Variants in DISP1 observed in about 807,000 individuals in gnomAD.
DISP1 encodes the protein protein dispatched homolog 1.
Under a neutral mutation model 37.3 loss-of-function variants are expected in DISP1, and 30 were observed. That is an observed-to-expected ratio of 0.80 (90% confidence interval 0.60 to 1.09). The LOEUF is 1.09. Ranked by LOEUF, DISP1 falls within the 50% of genes least tolerant of loss-of-function variation. The pLI is 0.00. For synonymous variants in DISP1, 634 were observed against 690.2 expected (o/e 0.92, Z 1.28); for missense variants, 1,598 against 1,879.5 (o/e 0.85, Z 2.77).
At chr1:222,862,250 A>T (rs1264488144) in intron 1 of DISP1, among the ~76,000 whole-genome samples, 1 of 152,296 alleles carries the variant, frequency 6.6e-6, no homozygotes, top group East Asian at 1.9e-4. Flanking sequence ...AGGAAATCCC[A>T]TATATTGTTA....
At position 222,978,235 on chromosome 1, in the gene DISP1, C is replaced by G. The variant is rs552667738; in HGVS notation, c.510-4845C>G. Among the ~76,000 whole-genome samples the G allele has an allele frequency of 3.3e-5, 5 of 152,236 alleles. No individual in the cohort carries two copies. The South Asian group carries it at 8.3e-4, about 25-fold the overall frequency. ...CATTCTAACTGGTGTGAGATGGTAT[C>G]TCGTTGTGGTTTTGATTTGCATTTC... On this transcript the variant is annotated intron_variant, in intron 3 of 8. Transcript: ENST00000675850.
chr1:222,865,930 CT>C (rs1212911106), intron 1 of DISP1, among the ~76,000 whole-genome samples: 1 of 152,166 alleles, frequency 6.6e-6, no homozygotes, highest in African/African-American at 2.4e-5. Flanking sequence ...GGCCGGCCCC[CT>C]GTTGGGTTTT....
intron 1 of DISP1, among the ~76,000 whole-genome samples, chr1:222,825,281 A>G (rs1375104091): frequency 7.2e-5 from 11 of 152,190 alleles, no homozygotes; most frequent in African/African-American, 2.7e-4. Context: ...CTAGATTTTC[A>G]TAGGCTGTCA....
chr1:222,923,236 A>G (rs2609398), intron 1 of DISP1, among the ~76,000 whole-genome samples: 40,119 of 152,054 alleles, frequency 0.26, 5,561 homozygotes, highest in South Asian at 0.47. Context: ...CATGGTGGTC[A>G]AGATTGAGAG....
intron 2 of DISP1, among the ~76,000 whole-genome samples, chr1:222,932,066 G>C (rs1673434509): frequency 1.3e-5 from 2 of 151,876 alleles, no homozygotes; most frequent in South Asian, 2.1e-4. Context: ...TAGAGTACCA[G>C]GTCCAACTGT....
At chr1:222,880,215 G>A (rs1311509133) in intron 1 of DISP1, among the ~76,000 whole-genome samples, 1 of 152,136 alleles carries the variant, frequency 6.6e-6, no homozygotes, top group Non-Finnish European at 1.5e-5. Context: ...GAAAAAGCAG[G>A]ATGTACAATC....
chr1:222,868,657 G>GT (rs1388540583), intron 1 of DISP1, among the ~76,000 whole-genome samples: 3 of 152,034 alleles, frequency 2.0e-5, no homozygotes, highest in Non-Finnish European at 4.4e-5. Context: ...AGTGATGTCA[G>GT]TTAGCAGAAT....
chr1:222,938,680 C>T (rs1312745369), intron 2 of DISP1, among the ~76,000 whole-genome samples: 1 of 141,478 alleles, frequency 7.1e-6, no homozygotes, highest in African/African-American at 2.6e-5. Flanking sequence ...CTGCAGGAAG[C>T]CATGATCGCA....
At chr1:222,869,487 T>C (rs1669396620) in intron 1 of DISP1, among the ~76,000 whole-genome samples, 1 of 152,172 alleles carries the variant, frequency 6.6e-6, no homozygotes, top group African/African-American at 2.4e-5. Context: ...ATTTTTTTCA[T>C]TATGGCACCA....
At chr1:222,840,865 A>G (rs996660903) in intron 1 of DISP1, among the ~76,000 whole-genome samples, 36 of 152,098 alleles carry the variant, frequency 2.4e-4, no homozygotes, top group Non-Finnish European at 4.7e-4. Flanking sequence ...CCCAGCCAGA[A>G]GGGTTCTTAA....
Position 222,822,649 on chromosome 1 carries a change from A to G in DISP1, c.-159+7571A>G, listed in dbSNP as rs144766950. Among the ~76,000 whole-genome samples, 34 of 152,292 alleles carry G rather than the reference A, an allele frequency of 2.2e-4. No homozygotes were observed. In the East Asian group the frequency reaches 6.4e-3, roughly 29 times the overall value. On this transcript the variant is annotated intron_variant, in intron 1 of 8. Transcript: ENST00000675850. Reference sequence around the variant, plus strand: ...CATATATCCAGGCCTCAGTGTTTCAAATTATAAGGTTTTCTGTTTTACAAT... The same window carrying G: ...CATATATCCAGGCCTCAGTGTTTCAGATTATAAGGTTTTCTGTTTTACAAT...
intron 1 of DISP1, among the ~76,000 whole-genome samples, chr1:222,906,465 AT>A (rs771242262): frequency 1.3e-5 from 2 of 152,238 alleles, no homozygotes; most frequent in Non-Finnish European, 2.9e-5. Context: ...AGGTTGAGGC[AT>A]TCTTAGTCAC....
At chr1:222,840,386 C>T (rs1374891511) in intron 1 of DISP1, among the ~76,000 whole-genome samples, 3 of 151,600 alleles carry the variant, frequency 2.0e-5, no homozygotes, top group Admixed American at 6.6e-5. Flanking sequence ...GGATTATAGG[C>T]GCCCATCACC....
At chr1:222,845,672 C>CA (rs1335653752) in intron 1 of DISP1, among the ~76,000 whole-genome samples, 2 of 152,150 alleles carry the variant, frequency 1.3e-5, no homozygotes, top group Non-Finnish European at 2.9e-5. Context: ...TTTATTATGA[C>CA]TGTGAACTGA....
At chr1:222,943,549 CCCCTTT>C (rs1674540287) in intron 3 of DISP1, 1 of 626,142 alleles carries the variant, frequency 1.6e-6, no homozygotes, top group Non-Finnish European at 2.8e-6. Context: ...ATCCTCCCTT[CCCCTTT>C]CCCTGTCTGC....
intron 7 of DISP1, among the ~76,000 whole-genome samples, chr1:222,994,048 C>G (rs1678886147): frequency 6.6e-6 from 1 of 152,100 alleles, no homozygotes; most frequent in Non-Finnish European, 1.5e-5. Flanking sequence ...GGTTCATATT[C>G]TTTAATACGT....
intron 1 of DISP1, among the ~76,000 whole-genome samples, chr1:222,864,419 T>C (rs958420445): frequency 6.6e-6 from 1 of 152,206 alleles, no homozygotes; most frequent in Non-Finnish European, 1.5e-5. Flanking sequence ...AATAGCTCTC[T>C]TCTTACCATT....
intron 1 of DISP1, among the ~76,000 whole-genome samples, chr1:222,866,114 A>T (rs1669173136): frequency 6.6e-6 from 1 of 152,130 alleles, no homozygotes; most frequent in African/African-American, 2.4e-5. Flanking sequence ...TTTGAAAAAA[A>T]AATGAATGTT....
chr1:222,900,899 CTTGTT>C (rs1180513189), intron 1 of DISP1, among the ~76,000 whole-genome samples: 4 of 151,984 alleles, frequency 2.6e-5, no homozygotes, highest in African/African-American at 4.8e-5. Context: ...AGGTATTTTA[CTTGTT>C]TTGTGTTATT....
Sources: gnomAD v4.1 joint callset for allele counts (sites outside exome capture counted in the v4.1 genomes callset) on GRCh38, gnomAD v4.1.1 for gene constraint, MANE v1.5 for transcripts, NCBI Gene and HGNC (gene_info 2026-07-23, HGNC 2026-07-21) for gene names.